CACNA2D1: variants seen among roughly 807,000 people sequenced by gnomAD.
CACNA2D1 encodes the protein calcium voltage-gated channel auxiliary subunit alpha2delta 1.
CACNA2D1 carries 53 observed loss-of-function variants against 171.5 expected under a neutral mutation model. That is an observed-to-expected ratio of 0.31 (90% CI 0.25 to 0.39). The LOEUF (loss-of-function observed/expected upper bound fraction) is 0.39. Among genes scored for constraint, CACNA2D1 ranks in the 10% least tolerant of loss-of-function variants. The pLI, the probability that CACNA2D1 is intolerant of heterozygous loss-of-function variation, is 1.00. For missense variants in CACNA2D1, 903 were observed against 1,299.8 expected (o/e 0.69, Z 4.69); for synonymous variants, 442 against 443.1 (o/e 1.00, Z 0.03).
intron 12 of CACNA2D1, among the ~76,000 whole-genome samples, chr7:82,030,521 G>C (rs37154): frequency 5.3e-5 from 8 of 151,220 alleles, no homozygotes; most frequent in Non-Finnish European, 1.2e-4. Context: ...TTTTAAAATC[G>C]GATATATCTC....
At chr7:82,163,995 T>C (rs914015263) in intron 4 of CACNA2D1, among the ~76,000 whole-genome samples, 9 of 151,916 alleles carry the variant, frequency 5.9e-5, no homozygotes, top group South Asian at 2.1e-4. Flanking sequence ...AATATTCAAA[T>C]AGGCTATTAT....
At chr7:82,067,079 G>A (rs1050705319) in intron 7 of CACNA2D1, among the ~76,000 whole-genome samples, 36 of 152,126 alleles carry the variant, frequency 2.4e-4, no homozygotes, top group Middle Eastern at 3.4e-3. Context: ...TAATTCAAGC[G>A]CAGATTCAAC....
At chr7:82,322,616 C>A in intron 3 of CACNA2D1, among the ~76,000 whole-genome samples, 1 of 151,878 alleles carries the variant, frequency 6.6e-6, no homozygotes. Flanking sequence ...GATACCCTGT[C>A]TCAAAAAAAT....
At chr7:81,989,173 G>T (rs1797276171) in intron 21 of CACNA2D1, among the ~76,000 whole-genome samples, 1 of 152,196 alleles carries the variant, frequency 6.6e-6, no homozygotes, top group African/African-American at 2.4e-5. Context: ...TGGCAAAAAG[G>T]ACAGCGTGGC....
intron 3 of CACNA2D1, among the ~76,000 whole-genome samples, chr7:82,250,924 A>AT (rs1404785885): frequency 3.3e-5 from 5 of 152,172 alleles, no homozygotes; most frequent in African/African-American, 1.2e-4. Flanking sequence ...GATTTGTATC[A>AT]TTTTTAATAA....
intron 3 of CACNA2D1, among the ~76,000 whole-genome samples, chr7:82,302,432 C>T (rs1156465362): frequency 1.4e-4 from 20 of 139,866 alleles, no homozygotes; most frequent in African/African-American, 2.7e-4. Flanking sequence ...TTTTTGGAGA[C>T]GGAGTTTCGC....
intron 3 of CACNA2D1, among the ~76,000 whole-genome samples, chr7:82,284,875 C>A (rs998427087): frequency 6.6e-6 from 1 of 152,058 alleles, no homozygotes; most frequent in African/African-American, 2.4e-5. Flanking sequence ...GAGGTCCAGC[C>A]CTTCAGAACT....
chr7:82,063,214 T>C (rs1807163690), intron 9 of CACNA2D1, among the ~76,000 whole-genome samples: 1 of 152,178 alleles, frequency 6.6e-6, no homozygotes, highest in South Asian at 2.1e-4. Context: ...ATGACATTAT[T>C]TCTGGATATT....
chr7:82,006,766 G>A (rs1174218636), intron 16 of CACNA2D1, among the ~76,000 whole-genome samples: 1 of 152,070 alleles, frequency 6.6e-6, no homozygotes, highest in African/African-American at 2.4e-5. Context: ...TTTAGAACCT[G>A]CAGATAGTTA....
intron 7 of CACNA2D1, among the ~76,000 whole-genome samples, chr7:82,082,166 T>G (rs1348093604): frequency 6.6e-6 from 1 of 152,192 alleles, no homozygotes; most frequent in Non-Finnish European, 1.5e-5. Context: ...GGCTCAGCCC[T>G]GCCACTGCTT....
At position 82,357,911 on chromosome 7, in the gene CACNA2D1, T is replaced by G. The variant is rs147429085; in HGVS notation, c.96-8262A>C. Among the ~76,000 whole-genome samples the G allele has an allele frequency of 5.3e-4, 80 of 151,396 alleles. 1 individual carries two copies. In the East Asian group the frequency reaches 0.014, roughly 27 times the overall value. The stretch of plus-strand genomic sequence containing the variant: ...TACAGTAAGGGATTTATAGGAGGGA[T>G]AGTGGGAAAGTGAGATGTCTGTACC... On this transcript the variant is annotated intron_variant, in intron 1 of 38. Coordinates refer to ENST00000356860, the MANE Select transcript of CACNA2D1 (RefSeq NM_000722.4).
chr7:82,128,553 T>A (rs1428974012), intron 5 of CACNA2D1, among the ~76,000 whole-genome samples: 3 of 152,104 alleles, frequency 2.0e-5, no homozygotes, highest in African/African-American at 7.2e-5. Flanking sequence ...TTGATCAACT[T>A]TAAATACTTG....
chr7:82,275,584 G>C (rs1425512351), intron 3 of CACNA2D1, among the ~76,000 whole-genome samples: 1 of 151,992 alleles, frequency 6.6e-6, no homozygotes, highest in East Asian at 1.9e-4. Flanking sequence ...ATACTCTCCA[G>C]CATGACAAAC....
rs367841992 is a variant in CACNA2D1 at position 81,991,263 on chromosome 7, C to T, written c.1735-17G>A. ...AATATATCTCTAGAAAGAAGTTTAA[C>T]GTGGTTATTATCACTTTACATTTTG... On this transcript the variant is annotated splice_polypyrimidine_tract_variant and intron_variant, in intron 20 of 38. Coordinates refer to ENST00000356860, the MANE Select transcript of CACNA2D1 (RefSeq NM_000722.4). 252 of 1,312,054 alleles carry T rather than the reference C, an allele frequency of 1.9e-4. 1 individual carries two copies. Among genetic ancestry groups the T allele is most frequent in the Non-Finnish European group, 2.6e-4 (237 of 904,802 alleles). The allele number at this position is 1,312,054 out of a possible 1,614,324, so 81.3% of individuals were successfully genotyped here. A position where few individuals can be genotyped will look rare whatever the true frequency, so the allele number is the denominator to read the frequency against.
intron 3 of CACNA2D1, among the ~76,000 whole-genome samples, chr7:82,324,251 G>A (rs530397937): frequency 2.2e-4 from 34 of 151,706 alleles, no homozygotes; most frequent in Admixed American, 1.7e-3. Flanking sequence ...CCAGCTACTC[G>A]GGAGGCTGAG....
At chr7:82,221,901 C>G (rs1801815758) in intron 3 of CACNA2D1, among the ~76,000 whole-genome samples, 1 of 151,052 alleles carries the variant, frequency 6.6e-6, no homozygotes, top group African/African-American at 2.4e-5. Flanking sequence ...GAAAAAAACT[C>G]AGTCTGAAAA....
At chr7:82,107,075 G>A (rs1787848810) in intron 6 of CACNA2D1, among the ~76,000 whole-genome samples, 1 of 152,084 alleles carries the variant, frequency 6.6e-6, no homozygotes, top group Admixed American at 6.6e-5. Context: ...ATGAAATATA[G>A]TACAAGAGAT....
At chr7:82,143,133 T>C (rs934193463) in intron 4 of CACNA2D1, among the ~76,000 whole-genome samples, 5 of 152,176 alleles carry the variant, frequency 3.3e-5, no homozygotes, top group African/African-American at 4.8e-5. Context: ...CCTGTCATTA[T>C]ATTTGTTTGA....
At chr7:82,144,186 AT>A (rs79077121) in intron 4 of CACNA2D1, among the ~76,000 whole-genome samples, 46,537 of 151,144 alleles carry the variant, frequency 0.31, 7,280 homozygotes, top group East Asian at 0.48. Flanking sequence ...AGGAAAAATC[AT>A]TTTTTTTTCT....
Sources: allele counts gnomAD v4.1 joint callset (sites outside exome capture counted in the v4.1 genomes callset), GRCh38; gene constraint gnomAD v4.1.1; transcripts MANE v1.5; gene names NCBI Gene and HGNC (gene_info 2026-07-23, HGNC 2026-07-21).